Variants in ANO2 observed in about 807,000 individuals in gnomAD.
ANO2 encodes the protein anoctamin 2.
In ANO2, 101 loss-of-function variants were observed where a neutral mutation model predicts 124.2. That is an observed-to-expected ratio of 0.81 (90% CI 0.69 to 0.96). The LOEUF (loss-of-function observed/expected upper bound fraction) is 0.96, where lower values mean the gene tolerates loss of function less well. ANO2 is among the 40% of genes least tolerant of loss of function. ANO2 has a pLI of 0.00. For missense variants in ANO2, 1,293 were observed against 1,274.5 expected (o/e 1.01, Z -0.22); for synonymous variants, 486 against 482.5 (o/e 1.01, Z -0.09).
At chr12:5,704,101 G>A (rs1389281335) in intron 14 of ANO2, among the ~76,000 whole-genome samples, 2 of 152,030 alleles carry the variant, frequency 1.3e-5, no homozygotes, top group Non-Finnish European at 2.9e-5. Context: ...GGTTTTTCAC[G>A]CTTAGATCAA....
chr12:5,694,903 T>G (rs1949106662), intron 14 of ANO2, among the ~76,000 whole-genome samples: 1 of 152,120 alleles, frequency 6.6e-6, no homozygotes, highest in South Asian at 2.1e-4. Flanking sequence ...CTCTCTGTGG[T>G]CCAGTTTCCT....
intron 19 of ANO2, among the ~76,000 whole-genome samples, chr12:5,610,018 ATATATT>A (rs939898961): frequency 1.6e-4 from 22 of 138,386 alleles, no homozygotes; most frequent in Admixed American, 3.0e-4. Flanking sequence ...TTTATCTATA[ATATATT>A]TATATTATAG....
intron 20 of ANO2, among the ~76,000 whole-genome samples, chr12:5,589,393 C>A (rs1272456175): frequency 1.3e-5 from 2 of 152,058 alleles, no homozygotes; most frequent in East Asian, 3.9e-4. Context: ...AGGATAACCA[C>A]CTCTCTTGAT....
chr12:5,636,605 TACACACACACACACACACACACACAC>T lies in ANO2; in HGVS notation c.1621-1284_1621-1259del, dbSNP rs61059041. ...CCTGAAAAAATAAGCTGTGCTGGACTACACACACACACACACACACACACACACACACACACACACACACGCATGCA... is the reference window on the plus strand; with the variant it reads ...CCTGAAAAAATAAGCTGTGCTGGACTACACACACACACACACACGCATGCA... On this transcript the variant is annotated intron_variant, in intron 15 of 24. Coordinates refer to ENST00000682330, the MANE Select transcript of ANO2 (RefSeq NM_001364791.2). This position sits in a 1 kb window ranked among gnomAD's most constrained non-coding sequence, Gnocchi z 4.6. Among the ~76,000 whole-genome samples the T allele has an allele frequency of 8.4e-6, 1 of 118,490 alleles. No individual in the cohort carries two copies. Among genetic ancestry groups the T allele is most frequent in the Non-Finnish European group, 1.7e-5 (1 of 58,580 alleles). 77.7% of individuals were successfully genotyped at this position (118,490 alleles called of 152,430 possible). A position where few individuals can be genotyped will look rare whatever the true frequency, so the allele number is the denominator to read the frequency against.
At chr12:5,788,581 G>A (rs1330066644) in intron 10 of ANO2, among the ~76,000 whole-genome samples, 1 of 145,628 alleles carries the variant, frequency 6.9e-6, no homozygotes, top group Non-Finnish European at 1.6e-5. Flanking sequence ...TGTTTTTGGA[G>A]ACGGAGTCTA....
intron 1 of ANO2, among the ~76,000 whole-genome samples, chr12:5,935,774 C>T (rs971227873): frequency 6.6e-6 from 1 of 152,088 alleles, no homozygotes; most frequent in Non-Finnish European, 1.5e-5. Context: ...TTAGAATCAC[C>T]CAAGAAGGTT....
chr12:5,739,833 C>T, intron 12 of ANO2: 1 of 455,786 alleles, frequency 2.2e-6, no homozygotes. Flanking sequence ...TCTTTCTGTC[C>T]CCAGCGCCAC....
chr12:5,766,873 G>GAGGCCAAGCTAACA (rs1951909094), intron 10 of ANO2, among the ~76,000 whole-genome samples: 1 of 152,172 alleles, frequency 6.6e-6, no homozygotes, highest in African/African-American at 2.4e-5. Context: ...GGAAGCACAG[G>GAGGCCAAGCTAACA]AGGCCAAGCT....
At chr12:5,737,371 T>TA (rs1005849496) in intron 13 of ANO2, among the ~76,000 whole-genome samples, 4 of 152,214 alleles carry the variant, frequency 2.6e-5, no homozygotes, top group Admixed American at 2.6e-4. Flanking sequence ...GTTAAACAGA[T>TA]AAACAGGAAA....
At chr12:5,688,336 G>C (rs985521789) in intron 14 of ANO2, among the ~76,000 whole-genome samples, 1 of 152,166 alleles carries the variant, frequency 6.6e-6, no homozygotes, top group African/African-American at 2.4e-5. Context: ...AGTGCTACAA[G>C]AGGCCGAAGC....
In ANO2 at chr12:5,862,956, A is replaced by T. The variant is rs1162991710; in HGVS notation, c.535-8815T>A. 6.6e-6 allele frequency among the ~76,000 whole-genome samples: 1 copy of T among 151,718 alleles called. No individual in the cohort carries two copies. The highest frequency in any genetic ancestry group is 1.5e-5 in the Non-Finnish European group (1 of 67,924). On this transcript the variant is annotated intron_variant, in intron 3 of 24. Transcript: ENST00000682330. This position sits in a 1 kb window ranked among gnomAD's most constrained non-coding sequence, Gnocchi z 4.0. Reference sequence around the variant, plus strand: ...CAGGCACCCACCACCACACCCAGCTAATTTTTTGTATTTTTTTCTTTTTTT... The same window carrying T: ...CAGGCACCCACCACCACACCCAGCTTATTTTTTGTATTTTTTTCTTTTTTT...
At chr12:5,898,981 G>A (rs1939989893) in intron 3 of ANO2, among the ~76,000 whole-genome samples, 1 of 152,196 alleles carries the variant, frequency 6.6e-6, no homozygotes, top group South Asian at 2.1e-4. Flanking sequence ...GGTTTAGAAA[G>A]AGGAGTTTCT....
chr12:5,733,764 C>T (rs908107296), intron 13 of ANO2, among the ~76,000 whole-genome samples: 5 of 152,268 alleles, frequency 3.3e-5, no homozygotes, highest in African/African-American at 1.2e-4. Context: ...GTCAGTCCCA[C>T]CCCTTCCAGG....
At chr12:5,664,931 C>T (rs571189824) in intron 14 of ANO2, among the ~76,000 whole-genome samples, 2 of 152,294 alleles carry the variant, frequency 1.3e-5, no homozygotes, top group South Asian at 4.1e-4. Flanking sequence ...TGGCAAAATA[C>T]CCAATTCCTT....
Position 5,769,728 on chromosome 12 carries a change from A to G in ANO2, c.1056-18758T>C, listed in dbSNP as rs1190363004. Among the ~76,000 whole-genome samples, 8 of 152,158 alleles carry G rather than the reference A, an allele frequency of 5.3e-5. No homozygotes were observed. Among genetic ancestry groups the G allele is most frequent in the Admixed American group, 2.0e-4 (3 of 15,288 alleles). On this transcript the variant is annotated intron_variant, in intron 10 of 24. Transcript: ENST00000682330. This position sits in a 1 kb window ranked among gnomAD's most constrained non-coding sequence, Gnocchi z 4.0. Reference sequence around the variant, plus strand: ...ATAAAATCGCTCCATTTCTGCGTGCACCCTTCATTCTAGGTACTCTGCTGA... The same window carrying G: ...ATAAAATCGCTCCATTTCTGCGTGCGCCCTTCATTCTAGGTACTCTGCTGA...
At chr12:5,748,833 C>G (rs1951349379) in intron 11 of ANO2, among the ~76,000 whole-genome samples, 1 of 147,558 alleles carries the variant, frequency 6.8e-6, no homozygotes, top group Non-Finnish European at 1.5e-5. Flanking sequence ...CGGCCTCCCT[C>G]CCTCCCCTCT....
chr12:5,768,878 G>A (rs1304130082), intron 10 of ANO2, among the ~76,000 whole-genome samples: 1 of 152,154 alleles, frequency 6.6e-6, no homozygotes, highest in Non-Finnish European at 1.5e-5. Flanking sequence ...GAATTCTTGA[G>A]AACTCACAAG....
rs147337471 is a variant in ANO2 at position 5,912,946 on chromosome 12, G to A, written c.534+8094C>T. On this transcript the variant is annotated intron_variant, in intron 3 of 24. Transcript: ENST00000682330. ...TAAAACCCATATTTGCATTTTCCCT[G>A]CGTTTGCTATATCCTTTCCTAGGAA... Among the ~76,000 whole-genome samples the A allele has an allele frequency of 2.6e-4, 40 of 152,232 alleles. No homozygotes were observed. In the East Asian group the frequency reaches 7.7e-3, roughly 29 times the overall value.
chr12:5,923,200 GCACACACACCCACATACACA>G (rs1392861708), intron 1 of ANO2, among the ~76,000 whole-genome samples: 2 of 72,600 alleles, frequency 2.8e-5, no homozygotes, highest in African/African-American at 6.1e-5. Context: ...ACACACGCAC[GCACACACACCCACATACACA>G]CACACATGCA....
Sources: allele counts gnomAD v4.1 joint callset (sites outside exome capture counted in the v4.1 genomes callset), GRCh38; gene constraint gnomAD v4.1.1; non-coding constraint Gnocchi (gnomAD v3.1); transcripts MANE v1.5; gene names NCBI Gene and HGNC (gene_info 2026-07-23, HGNC 2026-07-21).